NMT2: variants seen among roughly 807,000 people sequenced by gnomAD.
NMT2 encodes the protein glycylpeptide N-tetradecanoyltransferase 2.
Under a neutral mutation model 65.4 loss-of-function variants are expected in NMT2, and 35 were observed. The observed-to-expected ratio is 0.54, with a 90% CI of 0.41 to 0.71. NMT2 has a LOEUF of 0.71. NMT2 is among the 30% of genes least tolerant of loss of function. The probability of loss-of-function intolerance (pLI) is 0.00; values close to 1 mark genes in which losing one functional copy is unlikely to be tolerated. For missense variants in NMT2, 489 were observed against 611.3 expected, an observed-to-expected ratio of 0.80 and a Z score of 2.11; for synonymous variants, 226 against 231.8, an observed-to-expected ratio of 0.98 and a Z score of 0.23.
At chr10:15,155,273 G>A (rs760729678) in intron 1 of NMT2, 111 of 1,436,582 alleles carry the variant, frequency 7.7e-5, no homozygotes, top group Non-Finnish European at 1.0e-4. Flanking sequence ...CGTGCCCCAA[G>A]GCCTCGCTGT....
At chr10:15,164,462 G>A (rs1833310350) in intron 1 of NMT2, among the ~76,000 whole-genome samples, 1 of 152,122 alleles carries the variant, frequency 6.6e-6, no homozygotes, top group Non-Finnish European at 1.5e-5. Flanking sequence ...AGTTCAACAC[G>A]AATTTTATTT....
chr10:15,127,559 A>T (rs1408480192), intron 8 of NMT2, among the ~76,000 whole-genome samples: 84 of 98,104 alleles, frequency 8.6e-4, no homozygotes, highest in East Asian at 6.8e-3. Context: ...AAAAAAAAAA[A>T]AAAAAAAAAA....
chr10:15,164,179 T>C (rs1269600907), intron 1 of NMT2, among the ~76,000 whole-genome samples: 1 of 84,446 alleles, frequency 1.2e-5, no homozygotes, highest in Admixed American at 1.4e-4. Context: ...CGAGAATTGG[T>C]CTCAAAAAAA....
At chr10:15,148,662 C>G (rs1369363435) in intron 1 of NMT2, among the ~76,000 whole-genome samples, 1 of 152,102 alleles carries the variant, frequency 6.6e-6, no homozygotes, top group Non-Finnish European at 1.5e-5. Context: ...TAATTTATTG[C>G]TAGCTGGAAC....
Position 15,121,475 on chromosome 10 carries a change from C to A in NMT2, c.1000-1962G>T, listed in dbSNP as rs764166581. 6.8e-4 allele frequency among the ~76,000 whole-genome samples: 104 copies of A among 152,196 alleles called. 1 individual carries two copies. Among genetic ancestry groups the A allele is most frequent in the Non-Finnish European group, 1.5e-4 (10 of 68,040 alleles). On this transcript the variant is annotated intron_variant, in intron 8 of 11. Transcript: ENST00000378165. ...GTCTGCCTCCTGGGTTCAATCGATT[C>A]TCTTGCCTCAGGCTCCCGAGTAACT...
chr10:15,161,095 A>AAAAAAAAAAAAAAAAC (rs1833177048), intron 1 of NMT2, among the ~76,000 whole-genome samples: 2 of 147,546 alleles, frequency 1.4e-5, no homozygotes, highest in Non-Finnish European at 3.0e-5. Context: ...AAAAAAAAAA[A>AAAAAAAAAAAAAAAAC]AAAAAAAAAA....
intron 1 of NMT2, among the ~76,000 whole-genome samples, chr10:15,143,165 C>T (rs1223711974): frequency 6.6e-6 from 1 of 152,330 alleles, no homozygotes; most frequent in Admixed American, 6.5e-5. Context: ...CTTCTGAAAG[C>T]TACCATTGTT....
intron 9 of NMT2, among the ~76,000 whole-genome samples, chr10:15,113,625 G>C (rs1845650545): frequency 6.6e-6 from 1 of 152,104 alleles, no homozygotes; most frequent in Non-Finnish European, 1.5e-5. Flanking sequence ...TTAAGGATTA[G>C]AGGGCTGCCT....
rs1318409990 is a variant in NMT2 at position 15,107,999 on chromosome 10, AT to A, written c.*1195del. The A allele has an allele frequency of 1.0e-6, 1 of 985,798 alleles. No homozygotes were observed. Among genetic ancestry groups the A allele is most frequent in the African/African-American group, 1.7e-5 (1 of 57,358 alleles). The allele number at this position is 985,798 out of a possible 1,614,324, so 61.1% of individuals were successfully genotyped here. On this transcript the variant is annotated 3_prime_UTR_variant, in exon 12 of 12. Transcript: ENST00000378165. ...AAATCAGCATAGAGGAGTATGTGCA[AT>A]TTTGCATAAGTAATAAAAACATTCA...
intron 1 of NMT2, among the ~76,000 whole-genome samples, chr10:15,150,185 C>A (rs548742342): frequency 6.6e-6 from 1 of 152,170 alleles, no homozygotes. Flanking sequence ...TCACACCCAC[C>A]GTTGGGGAAG....
chr10:15,141,087 G>A (rs575198861), intron 2 of NMT2: 41 of 1,423,556 alleles, frequency 2.9e-5, no homozygotes, highest in Admixed American at 8.0e-5. Context: ...TCTTCTGAAC[G>A]AAAAGTAATC....
intron 6 of NMT2, among the ~76,000 whole-genome samples, chr10:15,131,035 G>A (rs1846268470): frequency 6.6e-6 from 1 of 151,948 alleles, no homozygotes; most frequent in Non-Finnish European, 1.5e-5. Context: ...TGATCTACCT[G>A]CCTCGATCTC....
intron 1 of NMT2, among the ~76,000 whole-genome samples, chr10:15,161,267 C>T (rs1833187806): frequency 6.6e-6 from 1 of 151,806 alleles, no homozygotes; most frequent in African/African-American, 2.4e-5. Flanking sequence ...CATGCAAGAA[C>T]TCAAAATACA....
intron 1 of NMT2, among the ~76,000 whole-genome samples, chr10:15,152,000 T>C (rs1452973700): frequency 6.6e-6 from 1 of 152,236 alleles, no homozygotes; most frequent in African/African-American, 2.4e-5. Flanking sequence ...CACTCCAGCC[T>C]GGGTGACAGA....
At position 15,108,794 on chromosome 10, in the gene NMT2, A is replaced by G. The variant is rs974317146; in HGVS notation, c.*401T>C. 2.9e-6 allele frequency: 3 copies of G among 1,035,014 alleles called. No homozygotes were observed. In the African/African-American group the frequency reaches 5.2e-5, roughly 18 times the overall value. The allele number at this position is 1,035,014 out of a possible 1,614,324, so 64.1% of individuals were successfully genotyped here. A position where few individuals can be genotyped will look rare whatever the true frequency, so the allele number is the denominator to read the frequency against. On this transcript the variant is annotated 3_prime_UTR_variant, in exon 12 of 12. Transcript: ENST00000378165. ...CTGTTACATGGACAAATGTACCATC[A>G]CTTAAGAAACAGAAATGCAGCAATT...
At chr10:15,109,266 G>C (rs1293187169) in intron 11 of NMT2, 51 bp from the exon 12 acceptor site, 3 of 1,592,662 alleles carry the variant, frequency 1.9e-6, no homozygotes, top group Non-Finnish European at 2.6e-6. Flanking sequence ...TTGCAATGTA[G>C]TACAATAGAT....
intron 8 of NMT2, among the ~76,000 whole-genome samples, chr10:15,121,515 C>T (rs1227066633): frequency 6.6e-6 from 1 of 152,146 alleles, no homozygotes; most frequent in Admixed American, 6.6e-5. Context: ...TTACAGGCAC[C>T]TGCCACCACG....
intron 8 of NMT2, 117 bp downstream of exon 8, chr10:15,128,233 C>T (rs1041152614): frequency 1.0e-5 from 7 of 683,394 alleles, no homozygotes; most frequent in African/African-American, 9.1e-5. Flanking sequence ...CTCTTTCGCT[C>T]CATATTCACT....
At chr10:15,142,850 A>G (rs1383437019) in intron 1 of NMT2, among the ~76,000 whole-genome samples, 1 of 152,202 alleles carries the variant, frequency 6.6e-6, no homozygotes, top group Non-Finnish European at 1.5e-5. Context: ...TACATGAGCT[A>G]GAAATATGCT....
Sources: allele counts gnomAD v4.1 joint callset (sites outside exome capture counted in the v4.1 genomes callset), GRCh38; gene constraint gnomAD v4.1.1; transcripts MANE v1.5; gene names NCBI Gene and HGNC (gene_info 2026-07-23, HGNC 2026-07-21).